Variants in WFDC11 observed in about 807,000 individuals in gnomAD.
WFDC11 encodes the protein WAP four-disulfide core domain 11, also known as protein WFDC11.
Under a neutral mutation model 9.9 loss-of-function variants are expected in WFDC11, and 9 were observed. The observed-to-expected ratio is 0.91, with a 90% confidence interval of 0.55 to 1.58. The LOEUF is 1.58. Ranked by LOEUF, WFDC11 falls within the 40% of genes most tolerant of loss-of-function variation. The probability of loss-of-function intolerance (pLI) is 0.00; values close to 1 mark genes in which losing one functional copy is unlikely to be tolerated. For missense variants in WFDC11, 106 were observed against 101.7 expected, an observed-to-expected ratio of 1.04 and a Z score of -0.18; for synonymous variants, 32 against 33.3, an observed-to-expected ratio of 0.96 and a Z score of 0.13.
Position 45,668,252 on chromosome 20 carries a change from C to T in WFDC11, c.-133-1083G>A, listed in dbSNP as rs531656473. Among the ~76,000 whole-genome samples, 15 of 152,282 alleles carry T rather than the reference C, an allele frequency of 9.9e-5. No individual in the cohort carries two copies. The East Asian group carries it at 2.9e-3, about 29-fold the overall frequency. On this transcript the variant is annotated intron_variant, in intron 1 of 4. Coordinates refer to ENST00000324384, the MANE Select transcript of WFDC11 (RefSeq NM_147197.2). ...GGGAAGGGAAATTTCAGGAGCTGAG[C>T]TGACTGTGAGAGGCTCTGAGTAAGT... is the stretch of plus-strand genomic sequence containing the variant.
chr20:45,663,084 G>A (rs969470035), intron 2 of WFDC11, among the ~76,000 whole-genome samples: 2 of 152,156 alleles, frequency 1.3e-5, no homozygotes, highest in African/African-American at 4.8e-5. Context: ...ATTAATTATT[G>A]CCTCAATTTC....
intron 1 of WFDC11, among the ~76,000 whole-genome samples, chr20:45,668,781 G>A (rs1983237661): frequency 6.6e-6 from 1 of 151,814 alleles, no homozygotes; most frequent in Non-Finnish European, 1.5e-5. Context: ...TCATAGATTG[G>A]TAGATTACTC....
chr20:45,656,845 C>G (rs1878389299), intron 2 of WFDC11, among the ~76,000 whole-genome samples: 1 of 152,252 alleles, frequency 6.6e-6, no homozygotes, highest in Non-Finnish European at 1.5e-5. Flanking sequence ...CTCATCACCA[C>G]TGGCCATCAG....
intron 2 of WFDC11, among the ~76,000 whole-genome samples, chr20:45,665,440 G>C: frequency 6.6e-6 from 1 of 152,134 alleles, no homozygotes. Flanking sequence ...GTCATTCTCT[G>C]TCCAGCTTTG....
chr20:45,649,512 A>G (rs1600934729), intron 3 of WFDC11, 113 bp from the exon 4 acceptor site: 6 of 1,324,252 alleles, frequency 4.5e-6, no homozygotes, highest in Non-Finnish European at 6.2e-6. Flanking sequence ...CCAAATTCCA[A>G]CCAAGATATC....
chr20:45,661,070 C>T lies in WFDC11; in HGVS notation c.-52+6018G>A, dbSNP rs1367604435. Among the ~76,000 whole-genome samples, 6 of 152,306 alleles carry T rather than the reference C, an allele frequency of 3.9e-5. No individual in the cohort carries two copies. The East Asian group carries it at 9.6e-4, about 24-fold the overall frequency. ...TGTTCCTATTTCTCCACATCCTCTCCAGCACCTATTGTTTCCTGACTTTTT... is the reference window on the plus strand; with the variant it reads ...TGTTCCTATTTCTCCACATCCTCTCTAGCACCTATTGTTTCCTGACTTTTT... On this transcript the variant is annotated intron_variant, in intron 2 of 4. Coordinates refer to ENST00000324384, the MANE Select transcript of WFDC11 (RefSeq NM_147197.2).
At chr20:45,661,573 C>A (rs1333116827) in intron 2 of WFDC11, among the ~76,000 whole-genome samples, 1 of 152,156 alleles carries the variant, frequency 6.6e-6, no homozygotes, top group Non-Finnish European at 1.5e-5. Context: ...AGTCTTTAAT[C>A]CATCTTGAAT....
At chr20:45,653,695 G>A (rs1424944195) in intron 2 of WFDC11, among the ~76,000 whole-genome samples, 1 of 152,170 alleles carries the variant, frequency 6.6e-6, no homozygotes, top group African/African-American at 2.4e-5. Flanking sequence ...CATCTCACAT[G>A]CAGAGACACA....
chr20:45,658,051 T>A (rs1204820974), intron 2 of WFDC11, among the ~76,000 whole-genome samples: 3 of 152,278 alleles, frequency 2.0e-5, no homozygotes, highest in East Asian at 1.9e-4. Context: ...TATTAAGATA[T>A]AACTGACATA....
intron 2 of WFDC11, among the ~76,000 whole-genome samples, chr20:45,654,378 A>G (rs1314796278): frequency 6.6e-6 from 1 of 152,220 alleles, no homozygotes; most frequent in Non-Finnish European, 1.5e-5. Flanking sequence ...GTTCTTTGAA[A>G]CCAATGAGAA....
At chr20:45,657,906 AG>A (rs967135610) in intron 2 of WFDC11, among the ~76,000 whole-genome samples, 9 of 152,228 alleles carry the variant, frequency 5.9e-5, no homozygotes, top group African/African-American at 2.2e-4. Flanking sequence ...CATAGAACAT[AG>A]TGAAAATATT....
At chr20:45,653,949 C>T (rs575543489) in intron 2 of WFDC11, among the ~76,000 whole-genome samples, 28 of 152,290 alleles carry the variant, frequency 1.8e-4, no homozygotes, top group Middle Eastern at 6.8e-3. Context: ...GAGTGACCTA[C>T]AAAGAGACTT....
At chr20:45,651,518 C>T (rs746427589) in intron 2 of WFDC11, among the ~76,000 whole-genome samples, 6 of 152,134 alleles carry the variant, frequency 3.9e-5, no homozygotes, top group Admixed American at 1.3e-4. Flanking sequence ...CAGCTCCCAG[C>T]GTGAGCGACA....
At chr20:45,660,647 T>G (rs1983037510) in intron 2 of WFDC11, among the ~76,000 whole-genome samples, 1 of 152,120 alleles carries the variant, frequency 6.6e-6, no homozygotes, top group African/African-American at 2.4e-5. Context: ...TTCCCACCTA[T>G]GAGTGAGAAT....
intron 1 of WFDC11, among the ~76,000 whole-genome samples, chr20:45,668,638 T>G (rs1239660702): frequency 1.3e-5 from 2 of 152,228 alleles, no homozygotes; most frequent in African/African-American, 4.8e-5. Flanking sequence ...TATGCTAACA[T>G]TTGTGCATAT....
rs148249169 is a variant in WFDC11 at position 45,649,254 on chromosome 20, C to T, written c.243+3G>A. On this transcript the variant is annotated splice_donor_region_variant and intron_variant, in intron 4 of 4. Transcript: ENST00000324384. ...ACACCCAAGCAAACATCTCCCAACT[C>T]ACGACGTTTATCCAGCAGATGTTTC... 1.3e-4 allele frequency: 204 copies of T among 1,613,938 alleles called. No individual in the cohort carries two copies. Among genetic ancestry groups the T allele is most frequent in the Middle Eastern group, 1.7e-4 (1 of 6,060 alleles).
chr20:45,660,368 G>A (rs1232832463), intron 2 of WFDC11, among the ~76,000 whole-genome samples: 1 of 151,902 alleles, frequency 6.6e-6, no homozygotes, highest in Non-Finnish European at 1.5e-5. Flanking sequence ...TTCCACTGTG[G>A]TATGAGAGAG....
chr20:45,655,184 T>TA, intron 2 of WFDC11, among the ~76,000 whole-genome samples: 1 of 152,300 alleles, frequency 6.6e-6, no homozygotes, highest in African/African-American at 2.4e-5. Flanking sequence ...AAATCCTCAA[T>TA]AAAATACTGG....
At chr20:45,652,157 C>T (rs890870443) in intron 2 of WFDC11, among the ~76,000 whole-genome samples, 22 of 152,280 alleles carry the variant, frequency 1.4e-4, no homozygotes, top group Admixed American at 9.8e-4. Context: ...CCCTGACCCC[C>T]GAGTAGCCTA....
Sources: gnomAD v4.1 joint callset for allele counts (sites outside exome capture counted in the v4.1 genomes callset) on GRCh38, gnomAD v4.1.1 for gene constraint, MANE v1.5 for transcripts, NCBI Gene and HGNC (gene_info 2026-07-23, HGNC 2026-07-21) for gene names.